The following HEG1 variants were observed in gnomAD, a reference collection of about 807,000 sequenced individuals.
HEG1 encodes heart development protein with EGF like domains 1, also known as protein HEG homolog 1.
A neutral mutation model predicts 125.6 loss-of-function variants in HEG1; 56 were observed. That is an observed-to-expected ratio of 0.45 (90% CI 0.36 to 0.56). HEG1 has a LOEUF of 0.56. Ranked by LOEUF, HEG1 falls within the 20% of genes least tolerant of loss-of-function variation. HEG1 has a pLI of 0.00. For synonymous variants in HEG1, 644 were observed against 668.5 expected (o/e 0.96, Z 0.57); for missense variants, 1,523 against 1,670.0 (o/e 0.91, Z 1.53).
intron 1 of HEG1, among the ~76,000 whole-genome samples, chr3:125,053,619 T>C (rs1937864817): frequency 6.6e-6 from 1 of 152,208 alleles, no homozygotes; most frequent in African/African-American, 2.4e-5. Context: ...AGGTGTACAC[T>C]ATTCCAACTA....
intron 16 of HEG1, chr3:124,972,284 G>C (rs1936461983): frequency 6.6e-6 from 1 of 152,112 alleles, no homozygotes; most frequent in Non-Finnish European, 1.5e-5. Flanking sequence ...GAGAGTGTGG[G>C]GACACACCAG....
chr3:125,039,633 T>A (rs779388769), intron 1 of HEG1, among the ~76,000 whole-genome samples: 1 of 152,186 alleles, frequency 6.6e-6, no homozygotes, highest in African/African-American at 2.4e-5. Flanking sequence ...CATTTTCACA[T>A]GCATTATCTC....
At chr3:125,030,575 C>A (rs1446568994) in intron 1 of HEG1, among the ~76,000 whole-genome samples, 1 of 152,200 alleles carries the variant, frequency 6.6e-6, no homozygotes, top group Non-Finnish European at 1.5e-5. Flanking sequence ...TGAATTAAAA[C>A]AGCATGCTTC....
At chr3:125,029,970 C>A (rs1040701981) in intron 1 of HEG1, among the ~76,000 whole-genome samples, 1 of 152,084 alleles carries the variant, frequency 6.6e-6, no homozygotes, top group African/African-American at 2.4e-5. Flanking sequence ...TATGAAGCAA[C>A]AATATAATAC....
At chr3:124,997,207 A>G (rs1169092204) in intron 12 of HEG1, among the ~76,000 whole-genome samples, 1 of 152,174 alleles carries the variant, frequency 6.6e-6, no homozygotes, top group African/African-American at 2.4e-5. Flanking sequence ...ATTTCTCAGG[A>G]GAGGAAACCG....
Position 124,973,713 on chromosome 3 carries a change from T to A in HEG1, c.3996+18A>T, listed in dbSNP as rs774638876. 6 of 1,594,176 alleles carry A rather than the reference T, an allele frequency of 3.8e-6. No individual in the cohort carries two copies. Among genetic ancestry groups the A allele is most frequent in the Non-Finnish European group, 5.1e-6 (6 of 1,170,162 alleles). On this transcript the variant is annotated intron_variant, in intron 16 of 16. Transcript: ENST00000311127. ...GGAACCGGGGGCCCTGGGGTCATCCTGACACAGGAATACACACCGAGTAGT... is the reference window on the plus strand; with the variant it reads ...GGAACCGGGGGCCCTGGGGTCATCCAGACACAGGAATACACACCGAGTAGT...
At chr3:124,983,407 T>G (rs9758914) in intron 14 of HEG1, among the ~76,000 whole-genome samples, 50,171 of 151,394 alleles carry the variant, frequency 0.33, 8,788 homozygotes, top group East Asian at 0.48. Flanking sequence ...CATGATTACA[T>G]CTCACTGTAA....
chr3:124,997,406 T>C (rs1936937967), intron 12 of HEG1, among the ~76,000 whole-genome samples: 1 of 152,220 alleles, frequency 6.6e-6, no homozygotes, highest in Admixed American at 6.5e-5. Context: ...TCTAACTTCC[T>C]TTAAATGGAA....
intron 1 of HEG1, among the ~76,000 whole-genome samples, chr3:125,040,351 C>T (rs1219669431): frequency 6.6e-6 from 1 of 152,050 alleles, no homozygotes; most frequent in Non-Finnish European, 1.5e-5. Context: ...AAGGATAGGA[C>T]AAAATTAAAG....
chr3:125,008,794 C>A (rs2107698923), intron 8 of HEG1, among the ~76,000 whole-genome samples: 1 of 126,332 alleles, frequency 7.9e-6, no homozygotes, highest in Admixed American at 8.8e-5. Flanking sequence ...GAGACTCCGT[C>A]TCAAAAAAAA....
chr3:124,983,501 AT>A (rs542232252), intron 14 of HEG1, among the ~76,000 whole-genome samples: 375 of 138,324 alleles, frequency 2.7e-3, no homozygotes, highest in Middle Eastern at 3.8e-3. Context: ...TGCCTGGCTG[AT>A]TTTTTTTTTT....
intron 1 of HEG1, among the ~76,000 whole-genome samples, chr3:125,047,089 C>T (rs905396562): frequency 2.6e-5 from 4 of 152,230 alleles, no homozygotes; most frequent in Non-Finnish European, 5.9e-5. Flanking sequence ...GGCTAAGAAG[C>T]AAGAGAGAGT....
chr3:125,016,160 A>C (rs1256211442), intron 5 of HEG1, among the ~76,000 whole-genome samples: 1 of 152,244 alleles, frequency 6.6e-6, no homozygotes, highest in Non-Finnish European at 1.5e-5. Context: ...AATTTAGGCC[A>C]ATGACCACAT....
intron 14 of HEG1, among the ~76,000 whole-genome samples, chr3:124,985,019 G>A (rs1173930604): frequency 2.6e-5 from 4 of 152,180 alleles, no homozygotes; most frequent in African/African-American, 9.7e-5. Context: ...TATGTTCAGT[G>A]AGATCCAATT....
intron 12 of HEG1, among the ~76,000 whole-genome samples, chr3:124,991,435 T>A (rs1010513813): frequency 4.0e-5 from 6 of 151,794 alleles, no homozygotes; most frequent in Non-Finnish European, 8.8e-5. Flanking sequence ...ACAGGCATGA[T>A]TCGCCATGCC....
intron 16 of HEG1, chr3:124,971,024 T>C: frequency 3.2e-6 from 2 of 616,532 alleles, no homozygotes; most frequent in Non-Finnish European, 5.9e-6. Context: ...AGGCAACTGA[T>C]GCAAACGGAG....
intron 1 of HEG1, among the ~76,000 whole-genome samples, chr3:125,045,253 C>T (rs1024995593): frequency 1.3e-5 from 2 of 152,230 alleles, no homozygotes; most frequent in African/African-American, 4.8e-5. Context: ...AAACAGGGAA[C>T]TGCCTTTGTC....
intron 1 of HEG1, among the ~76,000 whole-genome samples, chr3:125,054,848 G>C (rs1345270222): frequency 6.6e-6 from 1 of 152,206 alleles, no homozygotes; most frequent in Non-Finnish European, 1.5e-5. Flanking sequence ...ATTCCACTCA[G>C]TATGTGGCAT....
rs138954882 is a variant in HEG1 at position 124,991,991 on chromosome 3, T to TC, written c.3653-1006dup. On this transcript the variant is annotated intron_variant, in intron 12 of 16. Transcript: ENST00000311127. ...AAGAATGTCCCCTGGGGAAACTCCT[T>TC]CCATCACAAAGACATATGGCTCCCC... 3.4e-3 allele frequency among the ~76,000 whole-genome samples: 522 copies of TC among 152,332 alleles called. 18 individuals are homozygous for TC. In the East Asian group the frequency reaches 0.089, roughly 26 times the overall value.
Sources: allele counts gnomAD v4.1 joint callset (sites outside exome capture counted in the v4.1 genomes callset), GRCh38; gene constraint gnomAD v4.1.1; transcripts MANE v1.5; gene names NCBI Gene and HGNC (gene_info 2026-07-23, HGNC 2026-07-21).